Variants in STK32B observed in about 807,000 individuals in gnomAD.
The protein encoded by STK32B is serine/threonine-protein kinase 32B.
Under a neutral mutation model 52.6 loss-of-function variants are expected in STK32B, and 43 were observed. The ratio of observed to expected loss-of-function variants is 0.82; its 90% CI spans 0.64 to 1.05. STK32B has a LOEUF of 1.05. Ranked by LOEUF, STK32B falls within the 50% of genes least tolerant of loss-of-function variation. STK32B has a pLI of 0.00. For synonymous variants in STK32B, 238 were observed against 204.3 expected (o/e 1.17, Z -1.41); for missense variants, 621 against 534.6 (o/e 1.16, Z -1.59).
intron 1 of STK32B, among the ~76,000 whole-genome samples, chr4:5,079,481 A>G (rs149322324): frequency 6.6e-6 from 1 of 152,184 alleles, no homozygotes; most frequent in African/African-American, 2.4e-5. Flanking sequence ...TAAGAAGGCA[A>G]AATTTCAATC....
intron 4 of STK32B, among the ~76,000 whole-genome samples, chr4:5,360,761 G>T (rs1217774364): frequency 6.6e-6 from 1 of 152,132 alleles, no homozygotes; most frequent in Non-Finnish European, 1.5e-5. Flanking sequence ...AACCGAGATT[G>T]TGCCATTGCA....
At chr4:5,318,032 G>C (rs1453534746) in intron 3 of STK32B, among the ~76,000 whole-genome samples, 1 of 152,132 alleles carries the variant, frequency 6.6e-6, no homozygotes, top group Non-Finnish European at 1.5e-5. Context: ...CTGAATGCCT[G>C]CTGAAGTTTG....
At chr4:5,278,392 A>C (rs537526498) in intron 3 of STK32B, among the ~76,000 whole-genome samples, 1 of 152,270 alleles carries the variant, frequency 6.6e-6, no homozygotes, top group South Asian at 2.1e-4. Flanking sequence ...TTCAGCGCAT[A>C]TGTGGGCGTA....
intron 3 of STK32B, among the ~76,000 whole-genome samples, chr4:5,259,162 T>A (rs960675642): frequency 5.9e-5 from 9 of 152,046 alleles, no homozygotes; most frequent in Admixed American, 3.9e-4. Flanking sequence ...CCCACACACC[T>A]CCTCTATTTT....
At chr4:5,194,621 A>G (rs1283293683) in intron 3 of STK32B, among the ~76,000 whole-genome samples, 2 of 152,208 alleles carry the variant, frequency 1.3e-5, no homozygotes, top group African/African-American at 2.4e-5. Flanking sequence ...TCTGTAATTC[A>G]TAGTAGAATT....
At chr4:5,325,551 A>G (rs1306444087) in intron 3 of STK32B, among the ~76,000 whole-genome samples, 5 of 152,182 alleles carry the variant, frequency 3.3e-5, no homozygotes, top group Admixed American at 3.3e-4. Context: ...CTATTATGTT[A>G]TATACATTTC....
intron 4 of STK32B, among the ~76,000 whole-genome samples, chr4:5,362,998 A>C (rs1734647286): frequency 6.6e-6 from 1 of 152,182 alleles, no homozygotes; most frequent in Non-Finnish European, 1.5e-5. Flanking sequence ...ACTTCACAGG[A>C]AACACATTGG....
chr4:5,100,684 ACTTT>A (rs1444126300), intron 1 of STK32B, among the ~76,000 whole-genome samples: 12 of 13,176 alleles, frequency 9.1e-4, no homozygotes, highest in African/African-American at 2.5e-3. Flanking sequence ...TTCCTTTCTT[ACTTT>A]CTTTCTTTCC....
intron 3 of STK32B, among the ~76,000 whole-genome samples, chr4:5,319,831 A>T (rs6847552): frequency 0.24 from 36,214 of 152,118 alleles, 7,089 homozygotes; most frequent in African/African-American, 0.55. Flanking sequence ...GCCCAAAGTC[A>T]CAGGGAGAAC....
intron 11 of STK32B, among the ~76,000 whole-genome samples, chr4:5,481,346 T>G (rs952455149): frequency 6.6e-6 from 1 of 152,226 alleles, no homozygotes; most frequent in Non-Finnish European, 1.5e-5. Context: ...CTGATGAGCA[T>G]TTTTTCATGT....
chr4:5,485,847 G>T (rs908734196), intron 11 of STK32B, among the ~76,000 whole-genome samples: 2 of 152,204 alleles, frequency 1.3e-5, no homozygotes, highest in African/African-American at 4.8e-5. Flanking sequence ...TTTGCTGGAG[G>T]TCCACTCCAG....
At position 5,390,602 on chromosome 4, in the gene STK32B, G is replaced by GTA. The variant is rs148723340; in HGVS notation, c.435-7604_435-7603dup. Among the ~76,000 whole-genome samples the GTA allele has an allele frequency of 2.4e-3, 368 of 152,250 alleles. 3 individuals carry two copies. Among genetic ancestry groups the GTA allele is most frequent in the Non-Finnish European group, 4.0e-3 (270 of 68,006 alleles). On this transcript the variant is annotated intron_variant, in intron 4 of 11. Transcript: ENST00000282908. The stretch of plus-strand genomic sequence containing the variant: ...CTTCAGGTGGCCTTCTCCTCTGTGT[G>GTA]TACCTGGTCTCCTGGCAGCAGGGAG...
chr4:5,196,018 G>C (rs1721621929), intron 3 of STK32B, among the ~76,000 whole-genome samples: 1 of 152,190 alleles, frequency 6.6e-6, no homozygotes, highest in Non-Finnish European at 1.5e-5. Flanking sequence ...CCAAAGTTAT[G>C]GCCTGAGACC....
At chr4:5,103,640 C>A (rs958627085) in intron 1 of STK32B, among the ~76,000 whole-genome samples, 1 of 152,060 alleles carries the variant, frequency 6.6e-6, no homozygotes, top group African/African-American at 2.4e-5. Context: ...CGCTGAGAAA[C>A]GGTAGAATTC....
chr4:5,302,069 C>T (rs1166861065), intron 3 of STK32B, among the ~76,000 whole-genome samples: 1 of 150,986 alleles, frequency 6.6e-6, no homozygotes, highest in Non-Finnish European at 1.5e-5. Flanking sequence ...TTACTTTGTT[C>T]TTTCTTTTAC....
chr4:5,113,874 C>G (rs182896490), intron 1 of STK32B, among the ~76,000 whole-genome samples: 2 of 152,244 alleles, frequency 1.3e-5, no homozygotes, highest in East Asian at 3.9e-4. Context: ...CGAATCACAT[C>G]TTACGTGGAT....
the STK32B span, among the ~76,000 whole-genome samples, chr4:5,042,404 G>A: frequency 6.6e-6 from 1 of 152,238 alleles, no homozygotes; most frequent in Non-Finnish European, 1.5e-5. Context: ...AGGCAAGAGG[G>A]CAAGACCTGG....
intron 3 of STK32B, among the ~76,000 whole-genome samples, chr4:5,226,836 C>T (rs1358639012): frequency 1.3e-5 from 2 of 152,176 alleles, no homozygotes; most frequent in African/African-American, 4.8e-5. Context: ...TTGGTAATAT[C>T]TGCAGTTTCA....
intron 5 of STK32B, among the ~76,000 whole-genome samples, chr4:5,408,322 G>A (rs1360698206): frequency 6.6e-6 from 1 of 152,082 alleles, no homozygotes; most frequent in East Asian, 1.9e-4. Context: ...ATGAATGACT[G>A]AGTTCTTGTG....
Sources: allele counts gnomAD v4.1 joint callset (sites outside exome capture counted in the v4.1 genomes callset), GRCh38; gene constraint gnomAD v4.1.1; transcripts MANE v1.5; gene names NCBI Gene and HGNC (gene_info 2026-07-23, HGNC 2026-07-21).